The following MAPK6 variants were observed in gnomAD, a reference collection of about 807,000 sequenced individuals.
MAPK6 encodes the protein ERK-3.
In MAPK6, 19 loss-of-function variants were observed where a neutral mutation model predicts 59.3. The ratio of observed to expected loss-of-function variants is 0.32; its 90% CI spans 0.22 to 0.47. MAPK6 has a LOEUF of 0.47. MAPK6 is among the 20% of genes least tolerant of loss of function. MAPK6 has a pLI of 1.00. For synonymous variants in MAPK6, 316 were observed against 290.3 expected, an observed-to-expected ratio of 1.09 and a Z score of -0.90; for missense variants, 724 against 847.9, an observed-to-expected ratio of 0.85 and a Z score of 1.81.
At chr15:52,051,668 G>A (rs911019955) in intron 3 of MAPK6, among the ~76,000 whole-genome samples, 1 of 152,040 alleles carries the variant, frequency 6.6e-6, no homozygotes, top group Non-Finnish European at 1.5e-5. Flanking sequence ...GAGGTCAGGA[G>A]TTTGAGACCA....
At chr15:52,062,705 C>T (rs1177605997) in intron 5 of MAPK6, among the ~76,000 whole-genome samples, 2 of 152,124 alleles carry the variant, frequency 1.3e-5, no homozygotes, top group Non-Finnish European at 2.9e-5. Context: ...GCAGCAGTTG[C>T]AGTGAGCCGA....
chr15:52,034,502 G>A (rs535159749), intron 1 of MAPK6, among the ~76,000 whole-genome samples: 99 of 151,914 alleles, frequency 6.5e-4, no homozygotes, highest in African/African-American at 2.0e-3. Context: ...TAGAGACGGG[G>A]TTTCACCATG....
chr15:52,054,493 G>T (rs2031893173), intron 3 of MAPK6, among the ~76,000 whole-genome samples: 1 of 152,090 alleles, frequency 6.6e-6, no homozygotes, highest in Admixed American at 6.6e-5. Context: ...CTTTCATAAA[G>T]AATCAGTTGA....
intron 1 of MAPK6, among the ~76,000 whole-genome samples, chr15:52,035,020 C>T (rs2031190067): frequency 6.6e-6 from 1 of 152,194 alleles, no homozygotes; most frequent in African/African-American, 2.4e-5. Context: ...TCTTCATATG[C>T]TCCTGCTTTA....
In MAPK6 at chr15:52,064,949, C is replaced by T; in HGVS notation, c.2115C>T (p.Ser705=). ...ATLTPSAMKS[S]PQIPHQTYSS... ...TAACACCTTCTGCTATGAAATCTTC[C>T]CCTCAAATTCCTCATCAAACATACA... The change falls in exon 6 of 6, where the codon TCC becomes TCT. Residue 705 remains serine (S), a synonymous_variant. Transcript: ENST00000261845. The T allele has an allele frequency of 1.2e-6, 2 of 1,611,630 alleles. No homozygotes were observed. The highest frequency in any genetic ancestry group is 4.5e-5 in the East Asian group (2 of 44,880).
chr15:52,061,505 A>G lies in MAPK6; in HGVS notation c.1067+5A>G, dbSNP rs1170594332. 8 of 1,600,398 alleles carry G rather than the reference A, an allele frequency of 5.0e-6. No homozygotes were observed. On this transcript the variant is annotated splice_donor_5th_base_variant and intron_variant, in intron 5 of 5. Transcript: ENST00000261845. ...TCACATTTATAACTGGGAAAGGTAA[A>G]TTGATCCTAAATTAGAAAAATAATA...
intron 1 of MAPK6, among the ~76,000 whole-genome samples, chr15:52,026,999 G>A (rs1263799569): frequency 8.0e-5 from 12 of 150,048 alleles, no homozygotes; most frequent in African/African-American, 3.0e-4. Flanking sequence ...GCAGTGAGCC[G>A]AGATCACACC....
At chr15:52,055,800 C>A (rs573054186) in intron 3 of MAPK6, among the ~76,000 whole-genome samples, 1 of 152,144 alleles carries the variant, frequency 6.6e-6, no homozygotes, top group African/African-American at 2.4e-5. Flanking sequence ...CAGGTGTGAG[C>A]CACTGCTCTC....
chr15:52,062,094 A>G (rs960957390), intron 5 of MAPK6, among the ~76,000 whole-genome samples: 6 of 148,100 alleles, frequency 4.1e-5, no homozygotes, highest in African/African-American at 1.5e-4. Flanking sequence ...TTGAGATGGA[A>G]TCTCACTCTG....
intron 3 of MAPK6, among the ~76,000 whole-genome samples, chr15:52,013,008 AAAAAAAAAAAAAATATATATAT>A (rs1263345008): frequency 4.7e-5 from 1 of 21,270 alleles, no homozygotes; most frequent in African/African-American, 1.4e-4. Flanking sequence ...AAAAAAAAAA[AAAAAAAAAAAAAATATATATAT>A]ATATATATAT....
At chr15:52,053,606 GATT>G (rs1262257545) in intron 3 of MAPK6, among the ~76,000 whole-genome samples, 22 of 1,860 alleles carry the variant, frequency 0.012, no homozygotes, top group South Asian at 0.086. Flanking sequence ...TTGATTGGTT[GATT>G]GATTGATTGA....
chr15:52,003,237 G>T (rs941586453), intron 2 of MAPK6, among the ~76,000 whole-genome samples: 2 of 152,006 alleles, frequency 1.3e-5, no homozygotes, highest in South Asian at 2.1e-4. Context: ...GATCTCGTGA[G>T]AACTCATTCA....
chr15:52,046,412 T>C lies in MAPK6; in HGVS notation c.-49T>C. On this transcript the variant is annotated 5_prime_UTR_variant, in exon 2 of 6. Transcript: ENST00000261845. Reference sequence around the variant, plus strand: ...CTTTTGATGCCAGTTTTCTTCCTTGTTTACACAAGTTCAATTTGAAAGGAA... The same window carrying C: ...CTTTTGATGCCAGTTTTCTTCCTTGCTTACACAAGTTCAATTTGAAAGGAA... 7.1e-7 allele frequency: 1 copy of C among 1,399,442 alleles called. No homozygotes were observed. Among genetic ancestry groups the C allele is most frequent in the Non-Finnish European group, 9.8e-7 (1 of 1,025,016 alleles). The allele number at this position is 1,399,442 out of a possible 1,614,324, so 86.7% of individuals were successfully genotyped here. A position where few individuals can be genotyped will look rare whatever the true frequency, so the allele number is the denominator to read the frequency against.
chr15:52,001,927 G>T (rs56279166), intron 2 of MAPK6, among the ~76,000 whole-genome samples: 1 of 152,062 alleles, frequency 6.6e-6, no homozygotes, highest in Non-Finnish European at 1.5e-5. Context: ...CCATGTGTCA[G>T]AGTCTCACTC....
At chr15:52,034,093 C>T (rs2031147885) in intron 1 of MAPK6, 1 of 151,970 alleles carries the variant, frequency 6.6e-6, no homozygotes, top group African/African-American at 2.4e-5. Flanking sequence ...TCAAGCGATT[C>T]TCCCGCCTCA....
At chr15:51,977,302 C>T (rs952498636) in intron 1 of MAPK6, among the ~76,000 whole-genome samples, 7 of 151,546 alleles carry the variant, frequency 4.6e-5, no homozygotes, top group Non-Finnish European at 8.8e-5. Context: ...TGCGCCCGGC[C>T]GATCCATCTT....
At chr15:51,996,171 C>A (rs2057223639) in intron 2 of MAPK6, among the ~76,000 whole-genome samples, 1 of 152,154 alleles carries the variant, frequency 6.6e-6, no homozygotes, top group African/African-American at 2.4e-5. Flanking sequence ...TCAAGCAGAT[C>A]CTCAGAGCAC....
intron 1 of MAPK6, chr15:52,035,715 T>C (rs1214882671): frequency 1.3e-5 from 2 of 152,130 alleles, no homozygotes; most frequent in African/African-American, 4.8e-5. Flanking sequence ...TCTAATATTT[T>C]ATCTGAGTCC....
rs546187604 is a variant in MAPK6 at position 52,036,925 on chromosome 15, C to T, written c.-631-8905C>T. On this transcript the variant is annotated intron_variant, in intron 1 of 5. Transcript: ENST00000261845. The stretch of plus-strand genomic sequence containing the variant: ...GGCAGGGCAGCCAAATCTTGTAAGC[C>T]TTCTTCAGTTTGGAGAAAATGAGAA... Among the ~76,000 whole-genome samples the T allele has an allele frequency of 7.2e-5, 11 of 151,980 alleles. No individual in the cohort carries two copies. In the South Asian group the frequency reaches 1.5e-3, roughly 20 times the overall value.
Sources: gnomAD v4.1 joint callset for allele counts (sites outside exome capture counted in the v4.1 genomes callset) on GRCh38, gnomAD v4.1.1 for gene constraint, MANE v1.5 for transcripts, NCBI Gene and HGNC (gene_info 2026-07-23, HGNC 2026-07-21) for gene names.